SP1: variants seen among roughly 807,000 people sequenced by gnomAD.
SP1 encodes Sp1 transcription factor, also known as transcription factor Sp1.
SP1 carries 6 observed loss-of-function variants against 66.3 expected under a neutral mutation model. That is an observed-to-expected ratio of 0.09 (90% CI 0.05 to 0.18). The LOEUF is 0.18. Ranked by LOEUF, SP1 falls within the 10% of genes least tolerant of loss-of-function variation. The pLI is 1.00. For missense variants in SP1, 848 were observed against 964.5 expected (o/e 0.88, Z 1.60); for synonymous variants, 417 against 360.8 (o/e 1.16, Z -1.77).
At chr12:53,405,154 T>C (rs1391191804) in intron 3 of SP1, among the ~76,000 whole-genome samples, 2 of 152,018 alleles carry the variant, frequency 1.3e-5, no homozygotes, top group Non-Finnish European at 2.9e-5. Flanking sequence ...CAGCCTATTA[T>C]TTATTTTATA....
chr12:53,390,830 A>G (rs1479634833), intron 3 of SP1, among the ~76,000 whole-genome samples: 4 of 152,124 alleles, frequency 2.6e-5, no homozygotes, highest in Non-Finnish European at 5.9e-5. Context: ...GCCTTGTGTA[A>G]TGGGGCCATT....
Position 53,382,696 on chromosome 12 carries a change from C to G in SP1, c.749C>G (p.Thr250Ser), listed in dbSNP as rs762512378. The change falls in exon 3 of 6, where the codon ACT becomes AGT. Residue 250 changes from threonine (T) to serine (S), a missense_variant. Thr to Ser is a moderately conservative substitution (Grantham distance 58). This residue lies in a region of SP1 where 606 missense variants were observed against 589.9 expected (regional missense o/e 1.03). Coordinates refer to ENST00000327443, the MANE Select transcript of SP1 (RefSeq NM_138473.3). ...GLANNVLSGQ[T>S]QYVTNVPVAL... ...GCTAATAATGTACTCTCAGGACAGA[C>G]TCAGTATGTGACCAATGTACCAGTG... 1.2e-6 allele frequency: 2 copies of G among 1,614,192 alleles called. No individual in the cohort carries two copies. The highest frequency in any genetic ancestry group is 4.5e-5 in the East Asian group (2 of 44,890).
chr12:53,412,301 G>C lies in SP1; in HGVS notation c.*1061G>C, dbSNP rs897878881. On this transcript the variant is annotated 3_prime_UTR_variant, in exon 6 of 6. Transcript: ENST00000327443. ...TCAAATTTTCAAATAATAGGTAGGGGGCTTTCACTAGGAAAATCATGTGCT... is the reference window on the plus strand; with the variant it reads ...TCAAATTTTCAAATAATAGGTAGGGCGCTTTCACTAGGAAAATCATGTGCT... 1.3e-5 allele frequency: 2 copies of C among 152,558 alleles called. No individual in the cohort carries two copies. The highest frequency in any genetic ancestry group is 2.9e-5 in the Non-Finnish European group (2 of 68,030). The allele number at this position is 152,558 out of a possible 1,614,324, so 9.5% of individuals were successfully genotyped here.
chr12:53,404,680 T>A (rs953771128), intron 3 of SP1, among the ~76,000 whole-genome samples: 3 of 152,006 alleles, frequency 2.0e-5, no homozygotes, highest in South Asian at 2.1e-4. Flanking sequence ...TTATATATAT[T>A]TTTTTGAGTT....
chr12:53,400,811 C>T (rs1462251773), intron 3 of SP1, among the ~76,000 whole-genome samples: 1 of 140,034 alleles, frequency 7.1e-6, no homozygotes, highest in African/African-American at 2.7e-5. Context: ...GCCCAGGCTG[C>T]AGTGAAGTGG....
intron 3 of SP1, among the ~76,000 whole-genome samples, chr12:53,397,779 C>A (rs1938522712): frequency 6.6e-6 from 1 of 151,942 alleles, no homozygotes; most frequent in Admixed American, 6.6e-5. Context: ...GTCTTGAACC[C>A]CTGACCTCAG....
intron 3 of SP1, among the ~76,000 whole-genome samples, chr12:53,404,984 C>T (rs118063147): frequency 0.035 from 5,253 of 152,136 alleles, 226 homozygotes; most frequent in East Asian, 0.14. Context: ...CAAGCGTACT[C>T]CACCATACCC....
At chr12:53,409,747 C>T (rs1266086314) in intron 5 of SP1, among the ~76,000 whole-genome samples, 186 bp downstream of exon 5, 5 of 152,186 alleles carry the variant, frequency 3.3e-5, no homozygotes, top group Non-Finnish European at 5.9e-5. Flanking sequence ...CAGTGGCTCA[C>T]GCCTGTAATC....
intron 1 of SP1, chr12:53,380,629 C>T (rs1263674358): frequency 1.0e-6 from 1 of 1,003,212 alleles, no homozygotes; most frequent in Non-Finnish European, 1.2e-6. Context: ...GCCGCGGGGG[C>T]GGCCCGAGCA....
intron 3 of SP1, among the ~76,000 whole-genome samples, chr12:53,397,720 A>G (rs1938521724): frequency 6.6e-6 from 1 of 151,410 alleles, no homozygotes; most frequent in Non-Finnish European, 1.5e-5. Context: ...TGCCCAGATA[A>G]TTTTTGTATT....
chr12:53,386,198 T>G (rs1200278880), intron 3 of SP1, among the ~76,000 whole-genome samples: 1 of 152,072 alleles, frequency 6.6e-6, no homozygotes, highest in Non-Finnish European at 1.5e-5. Context: ...ATTCTGATAC[T>G]TCTAGGTAGC....
chr12:53,404,488 G>A (rs1211831329), intron 3 of SP1, among the ~76,000 whole-genome samples: 3 of 150,100 alleles, frequency 2.0e-5, no homozygotes, highest in African/African-American at 7.4e-5. Context: ...GTTGCAATGA[G>A]TCAAGATTGT....
chr12:53,399,982 T>C (rs889869343), intron 3 of SP1, among the ~76,000 whole-genome samples: 1 of 152,150 alleles, frequency 6.6e-6, no homozygotes, highest in Non-Finnish European at 1.5e-5. Context: ...GCCAGGATGG[T>C]CTCAATCTCC....
Position 53,411,415 on chromosome 12 carries a change from A to G in SP1, c.*175A>G, listed in dbSNP as rs1172957520. The G allele has an allele frequency of 3.6e-6, 2 of 556,096 alleles. No homozygotes were observed. Among genetic ancestry groups the G allele is most frequent in the Non-Finnish European group, 6.3e-6 (2 of 317,926 alleles). The allele number at this position is 556,096 out of a possible 1,614,324, so 34.4% of individuals were successfully genotyped here. ...AGATGGGGTCCCGGCACCCATCTGT[A>G]TCATCAGTGCCTCTTTGAAGGTGGG... On this transcript the variant is annotated 3_prime_UTR_variant, in exon 6 of 6. Coordinates refer to ENST00000327443, the MANE Select transcript of SP1 (RefSeq NM_138473.3).
In SP1 at chr12:53,414,265, A is replaced by G. The variant is rs1184566251; in HGVS notation, c.*3025A>G. Reference sequence around the variant, plus strand: ...ATGCCCAGAAGAGTGGTGAGATAGTAAAACACTTATTCCCTCATCCTTTCA... The same window carrying G: ...ATGCCCAGAAGAGTGGTGAGATAGTGAAACACTTATTCCCTCATCCTTTCA... On this transcript the variant is annotated 3_prime_UTR_variant, in exon 6 of 6. Transcript: ENST00000327443. 1 of 152,738 alleles carries G rather than the reference A, an allele frequency of 6.5e-6. No individual in the cohort carries two copies. Among genetic ancestry groups the G allele is most frequent in the South Asian group, 2.1e-4 (1 of 4,832 alleles). The allele number at this position is 152,738 out of a possible 1,614,324, so 9.5% of individuals were successfully genotyped here.
intron 3 of SP1, among the ~76,000 whole-genome samples, chr12:53,406,036 CG>C (rs1333758151): frequency 2.1e-5 from 3 of 143,962 alleles, no homozygotes; most frequent in Non-Finnish European, 4.6e-5. Context: ...CAGATTTTTA[CG>C]TATTTATTGG....
chr12:53,410,013 A>G (rs914262235), intron 5 of SP1, among the ~76,000 whole-genome samples: 2 of 147,852 alleles, frequency 1.4e-5, no homozygotes, highest in African/African-American at 2.5e-5. Context: ...CTGTCTCAAA[A>G]AAAAAGGAAG....
chr12:53,397,386 C>T (rs1273645362), intron 3 of SP1, among the ~76,000 whole-genome samples: 5 of 151,922 alleles, frequency 3.3e-5, no homozygotes, highest in South Asian at 2.1e-4. Flanking sequence ...TCTCATCCTC[C>T]GCTCAAAAAC....
rs1938892250 is a variant in SP1 at position 53,411,663 on chromosome 12, T to G, written c.*423T>G. Reference sequence around the variant, plus strand: ...AACAGATTCTATATTATTATATATATATATATATATATAAAGATATATAGA... The same window carrying G: ...AACAGATTCTATATTATTATATATAGATATATATATATAAAGATATATAGA... On this transcript the variant is annotated 3_prime_UTR_variant, in exon 6 of 6. Coordinates refer to ENST00000327443, the MANE Select transcript of SP1 (RefSeq NM_138473.3). The G allele has an allele frequency of 6.8e-6, 1 of 147,820 alleles. No individual in the cohort carries two copies. The highest frequency in any genetic ancestry group is 1.5e-5 in the Non-Finnish European group (1 of 67,142). The allele number at this position is 147,820 out of a possible 1,614,324, so 9.2% of individuals were successfully genotyped here.
Sources: gnomAD v4.1 joint callset for allele counts (sites outside exome capture counted in the v4.1 genomes callset) on GRCh38, gnomAD v4.1.1 for gene constraint, gnomAD v4.1.1 regional missense constraint, MANE v1.5 for transcripts, NCBI Gene and HGNC (gene_info 2026-07-23, HGNC 2026-07-21) for gene names.